Variants in COL5A3 observed in about 807,000 individuals in gnomAD.
COL5A3 encodes collagen alpha-3(V) chain.
Under a neutral mutation model 250.0 loss-of-function variants are expected in COL5A3, and 172 were observed. That is an observed-to-expected ratio of 0.69 (90% confidence interval 0.61 to 0.78). The LOEUF is 0.78. COL5A3 is among the 30% of genes least tolerant of loss of function. The pLI, the probability that COL5A3 is intolerant of heterozygous loss-of-function variation, is 0.00. For missense variants in COL5A3, 2,340 were observed against 2,334.4 expected, an observed-to-expected ratio of 1.00 and a Z score of -0.05; for synonymous variants, 937 against 900.4, an observed-to-expected ratio of 1.04 and a Z score of -0.73.
At chr19:9,975,738 G>C (rs934556766) in intron 45 of COL5A3, among the ~76,000 whole-genome samples, 3 of 150,990 alleles carry the variant, frequency 2.0e-5, no homozygotes, top group African/African-American at 7.3e-5. Flanking sequence ...CTGGTATTGA[G>C]GGGGAACACA....
chr19:10,003,722 A>G lies in COL5A3; in HGVS notation c.700-8T>C. 6.2e-7 allele frequency: 1 copy of G among 1,613,632 alleles called. No homozygotes were observed. Among genetic ancestry groups the G allele is most frequent in the South Asian group, 1.1e-5 (1 of 91,070 alleles). ...TGGTTCACCCTGGGGAGCCTGGGAG[A>G]AGGGTTCCAGTCAGGTCTAGAGCAT... On this transcript the variant is annotated splice_region_variant and splice_polypyrimidine_tract_variant and intron_variant, in intron 5 of 66. Transcript: ENST00000264828.
chr19:9,979,330 C>T, intron 38 of COL5A3, 34 bp downstream of exon 38: 1 of 1,613,502 alleles, frequency 6.2e-7, no homozygotes, highest in Non-Finnish European at 8.5e-7. Context: ...CCAACTGGTA[C>T]AAAACAAGGG....
At chr19:10,010,037 ACACACATG>A (rs796510198) in intron 1 of COL5A3, among the ~76,000 whole-genome samples, 6 of 152,240 alleles carry the variant, frequency 3.9e-5, no homozygotes, top group African/African-American at 1.4e-4. Flanking sequence ...ACACACACAT[ACACACATG>A]CACACACCTG....
intron 62 of COL5A3, among the ~76,000 whole-genome samples, 153 bp from the exon 63 acceptor site, chr19:9,966,899 A>G (rs1283745855): frequency 6.6e-6 from 1 of 151,992 alleles, no homozygotes; most frequent in East Asian, 1.9e-4. Flanking sequence ...GAGAAAGGAG[A>G]GATAAGCAGA....
In COL5A3 at chr19:10,001,898, G is replaced by A. The variant is rs2087369258; in HGVS notation, c.850-17C>T. On this transcript the variant is annotated splice_polypyrimidine_tract_variant and intron_variant, in intron 6 of 66. Transcript: ENST00000264828. The stretch of plus-strand genomic sequence containing the variant: ...AGTGGAGGTCTGGAGCAGGGATGGA[G>A]GGAGCCTTGGGTCTCGGGTGAGGGC... 1 of 1,581,080 alleles carries A rather than the reference G, an allele frequency of 6.3e-7. No homozygotes were observed. The highest frequency in any genetic ancestry group is 1.3e-5 in the African/African-American group (1 of 74,290).
At chr19:9,988,502 A>T (rs1279626801) in intron 27 of COL5A3, among the ~76,000 whole-genome samples, 2 of 152,058 alleles carry the variant, frequency 1.3e-5, no homozygotes, top group East Asian at 1.9e-4. Flanking sequence ...TTAACCCAGC[A>T]TACTGTGCTT....
chr19:10,010,358 G>A lies in COL5A3; in HGVS notation c.28C>T (p.Pro10Ser). 1 of 1,465,568 alleles carries A rather than the reference G, an allele frequency of 6.8e-7. No individual in the cohort carries two copies. The highest frequency in any genetic ancestry group is 9.1e-7 in the Non-Finnish European group (1 of 1,104,504). 90.8% of individuals were successfully genotyped at this position (1,465,568 alleles called of 1,614,324 possible). The change falls in exon 1 of 67, where the codon CCG becomes TCG. Residue 10 changes from proline to serine, a missense_variant. Around this residue, in one of 3 missense-constraint regions of COL5A3, gnomAD observed 1,152 missense variants for 1,146.3 expected, o/e 1.00. Coordinates refer to ENST00000264828, the MANE Select transcript of COL5A3 (RefSeq NM_015719.4). MGNRRDLGQ[P>S]RAGLCLLLAA... ...AGGAGCAGGCAGAGACCGGCCCGCG[G>A]CTGGCCCAGGTCCCGGCGGTTCCCC...
chr19:9,962,964 C>T (rs923101984), intron 64 of COL5A3, 77 bp from the exon 65 acceptor site: 4 of 1,069,110 alleles, frequency 3.7e-6, no homozygotes, highest in Non-Finnish European at 4.2e-6. Flanking sequence ...TCCCTCCTCA[C>T]ACAGTAGGCT....
intron 27 of COL5A3, among the ~76,000 whole-genome samples, chr19:9,987,889 T>G (rs1309593052): frequency 6.6e-6 from 1 of 151,936 alleles, no homozygotes; most frequent in Non-Finnish European, 1.5e-5. Flanking sequence ...GAGCCATCAT[T>G]ATGCTGCTAT....
chr19:9,995,670 T>C, intron 15 of COL5A3, 53 bp from the exon 16 acceptor site: 2 of 1,385,904 alleles, frequency 1.4e-6, no homozygotes, highest in Non-Finnish European at 2.0e-6. Context: ...AAAGAGGGAC[T>C]TATTCTATTG....
chr19:9,993,392 C>T lies in COL5A3; in HGVS notation c.1737G>A (p.Glu579=). ...CTTCCAAACTTACCCTCTCACCATC[C>T]TCTCCTGGGGGACCGGGTTGCCCCA... The part of the protein sequence containing the change: ...GHVGQPGPPG[E]DGERGAEGPP... Residue 579 remains glutamate (E), a synonymous_variant, in exon 19 of 67, where the codon GAG becomes GAA. Coordinates refer to ENST00000264828, the MANE Select transcript of COL5A3 (RefSeq NM_015719.4). The T allele has an allele frequency of 6.2e-7, 1 of 1,614,164 alleles. No homozygotes were observed. Among genetic ancestry groups the T allele is most frequent in the South Asian group, 1.1e-5 (1 of 91,078 alleles).
At chr19:9,964,167 T>C (rs2145048332) in intron 64 of COL5A3, among the ~76,000 whole-genome samples, 1 of 152,202 alleles carries the variant, frequency 6.6e-6, no homozygotes, top group East Asian at 1.9e-4. Flanking sequence ...AGTGAGACTA[T>C]GTCTCAAAAG....
intron 10 of COL5A3, 75 bp from the exon 11 acceptor site, chr19:9,997,508 C>T: frequency 1.0e-6 from 1 of 962,846 alleles, no homozygotes; most frequent in Non-Finnish European, 1.6e-6. Context: ...CTACCACTGA[C>T]TCTAACCTCA....
intron 1 of COL5A3, 122 bp from the exon 2 acceptor site, chr19:10,006,353 A>C: frequency 1.1e-6 from 1 of 930,926 alleles, no homozygotes; most frequent in Non-Finnish European, 1.5e-6. Context: ...CCCTCCCACC[A>C]TGTTTGTGGC....
intron 11 of COL5A3, chr19:9,997,131 A>G (rs2087285125): frequency 1.7e-6 from 1 of 590,818 alleles, no homozygotes; most frequent in South Asian, 2.0e-5. Context: ...AAAGACAGAG[A>G]TAAAAGACAC....
chr19:9,966,738 AGGGGCACCCT>A lies in COL5A3; in HGVS notation c.4459-2_4466del, dbSNP rs1342753540. 3 of 1,533,490 alleles carry A rather than the reference AGGGGCACCCT, an allele frequency of 2.0e-6. No individual in the cohort carries two copies. The highest frequency in any genetic ancestry group is 2.6e-6 in the Non-Finnish European group (3 of 1,145,224). The allele number at this position is 1,533,490 out of a possible 1,614,324, so 95.0% of individuals were successfully genotyped here. ...GCCTGCGCAGCCCATGCAGCTCGGC[AGGGGCACCCT>A]GGGCGTAGGGGATGGGGACGGAGAA... On this transcript the variant is annotated splice_acceptor_variant and coding_sequence_variant, in exon 63 of 67. Transcript: ENST00000264828. LOFTEE classifies it high-confidence loss of function.
In COL5A3 at chr19:10,001,627, T is replaced by C. The variant is rs374793762; in HGVS notation, c.1007A>G (p.Glu336Gly). ...TTCATCCTCCCTGGCTGCCTTGGTC[T>C]CCAGGGTCCCCAGCTCGGTTCCACT... is the stretch of plus-strand genomic sequence containing the variant. Reference protein sequence around the residue: ...PDSGTELGTLETKAAREDEEG... With the variant: ...PDSGTELGTLGTKAAREDEEG... The change falls in exon 8 of 67, where the codon GAG (glutamate) becomes GGG (glycine). Residue 336 changes from glutamate (E) to glycine (G), a missense_variant. Coordinates refer to ENST00000264828, the MANE Select transcript of COL5A3 (RefSeq NM_015719.4). 6.2e-7 allele frequency: 1 copy of C among 1,614,068 alleles called. No individual in the cohort carries two copies. The highest frequency in any genetic ancestry group is 8.5e-7 in the Non-Finnish European group (1 of 1,180,002).
chr19:9,968,006 A>T lies in COL5A3; in HGVS notation c.4368+20T>A. The T allele has an allele frequency of 6.3e-7, 1 of 1,595,750 alleles. No homozygotes were observed. The highest frequency in any genetic ancestry group is 8.5e-7 in the Non-Finnish European group (1 of 1,173,952). On this transcript the variant is annotated intron_variant, in intron 60 of 66. Coordinates refer to ENST00000264828, the MANE Select transcript of COL5A3 (RefSeq NM_015719.4). This position sits in a 1 kb window ranked among gnomAD's most constrained non-coding sequence, Gnocchi z 4.1. The stretch of plus-strand genomic sequence containing the variant: ...CCACCACAGTGACCTCATCCCACAA[A>T]AGATTCCCTGCATACTCACCGCCAC...
chr19:9,982,915 G>A (rs887701299), intron 31 of COL5A3, among the ~76,000 whole-genome samples: 1 of 152,088 alleles, frequency 6.6e-6, no homozygotes, highest in Admixed American at 6.6e-5. Context: ...GAGTGCAGTG[G>A]TGCAATCATA....
Sources: allele counts gnomAD v4.1 joint callset (sites outside exome capture counted in the v4.1 genomes callset), GRCh38; gene constraint gnomAD v4.1.1; regional missense constraint gnomAD v4.1.1; non-coding constraint Gnocchi (gnomAD v3.1); transcripts MANE v1.5; gene names NCBI Gene and HGNC (gene_info 2026-07-23, HGNC 2026-07-21).